TPD52L1: variants seen among roughly 807,000 people sequenced by gnomAD.
TPD52L1 encodes the protein TPD52 like 1.
In TPD52L1, 18 loss-of-function variants were observed where a neutral mutation model predicts 28.7. The ratio of observed to expected loss-of-function variants is 0.63; its 90% CI spans 0.43 to 0.93. TPD52L1 has a LOEUF of 0.93. Among genes scored for constraint, TPD52L1 ranks in the 40% least tolerant of loss-of-function variants. The pLI, the probability that TPD52L1 is intolerant of heterozygous loss-of-function variation, is 0.00. For synonymous variants in TPD52L1, 75 were observed against 88.8 expected, an observed-to-expected ratio of 0.84 and a Z score of 0.88; for missense variants, 203 against 254.8, an observed-to-expected ratio of 0.80 and a Z score of 1.39.
intron 1 of TPD52L1, among the ~76,000 whole-genome samples, chr6:125,211,034 A>G (rs1235259056): frequency 6.6e-6 from 1 of 152,212 alleles, no homozygotes; most frequent in Non-Finnish European, 1.5e-5. Context: ...GGACTCTTCC[A>G]TGAGTCATTA....
intron 1 of TPD52L1, among the ~76,000 whole-genome samples, chr6:125,168,253 G>A (rs1172566857): frequency 6.6e-6 from 1 of 152,022 alleles, no homozygotes; most frequent in Non-Finnish European, 1.5e-5. Flanking sequence ...GTGACATCTG[G>A]CCTCAGGAAG....
In TPD52L1 at chr6:125,220,125, G is replaced by A. The variant is rs1054781253; in HGVS notation, c.67G>A (p.Ala23Thr). 6.2e-7 allele frequency: 1 copy of A among 1,613,930 alleles called. No individual in the cohort carries two copies. Among genetic ancestry groups the A allele is most frequent in the Non-Finnish European group, 8.5e-7 (1 of 1,179,854 alleles). ...GCAAGGAACAGACGAAGATGCAGTA[G>A]CCAGTGCTGACTTCTCTAGCATGCT... ...PLQGTDEDAV[A>T]SADFSSMLSE... is the part of the protein sequence containing the mutation. Residue 23 changes from alanine to threonine, a missense_variant, in exon 2 of 7, where the codon GCC (alanine) becomes ACC (threonine). Transcript: ENST00000534000.
intron 3 of TPD52L1, among the ~76,000 whole-genome samples, chr6:125,238,066 C>G (rs1053825403): frequency 2.8e-4 from 43 of 152,244 alleles, no homozygotes; most frequent in Middle Eastern, 6.8e-3. Context: ...GGTAGGAAGT[C>G]CAGATTTTTC....
chr6:125,207,232 T>C (rs143595248), intron 1 of TPD52L1, among the ~76,000 whole-genome samples: 1 of 152,276 alleles, frequency 6.6e-6, no homozygotes, highest in East Asian at 1.9e-4. Flanking sequence ...TTGAGTGGGA[T>C]TGGGAGATTT....
chr6:125,216,547 A>G (rs1192822983), intron 1 of TPD52L1, among the ~76,000 whole-genome samples: 5 of 140,638 alleles, frequency 3.6e-5, no homozygotes, highest in South Asian at 2.2e-4. Flanking sequence ...ATATATATAT[A>G]TATATATATA....
chr6:125,176,035 A>C (rs1791802355), intron 1 of TPD52L1, among the ~76,000 whole-genome samples: 1 of 152,184 alleles, frequency 6.6e-6, no homozygotes, highest in East Asian at 1.9e-4. Flanking sequence ...TCCCATGGGG[A>C]TGATCTCTTA....
intron 1 of TPD52L1, among the ~76,000 whole-genome samples, chr6:125,211,307 C>CTATCT (rs1554209654): frequency 0.016 from 2,340 of 147,136 alleles, 27 homozygotes; most frequent in Admixed American, 0.028. Flanking sequence ...ATCTATCTAT[C>CTATCT]GTGTAACACA....
At chr6:125,258,824 T>C (rs368542953) in intron 6 of TPD52L1, among the ~76,000 whole-genome samples, 81 of 152,038 alleles carry the variant, frequency 5.3e-4, no homozygotes, top group African/African-American at 1.8e-3. Context: ...TGAAAGTGAT[T>C]CTATGCTTGT....
chr6:125,244,015 G>A (rs1796774139), intron 3 of TPD52L1, among the ~76,000 whole-genome samples: 1 of 151,968 alleles, frequency 6.6e-6, no homozygotes, highest in South Asian at 2.1e-4. Context: ...AGACTTTAAT[G>A]TTTATTTTAG....
At chr6:125,193,670 T>C (rs948625765) in intron 1 of TPD52L1, among the ~76,000 whole-genome samples, 1 of 152,104 alleles carries the variant, frequency 6.6e-6, no homozygotes. Flanking sequence ...GCAACACACA[T>C]ACAGATGAAA....
chr6:125,167,940 T>G (rs1481540457), intron 1 of TPD52L1, among the ~76,000 whole-genome samples: 2 of 152,150 alleles, frequency 1.3e-5, no homozygotes. Flanking sequence ...CAGACATACT[T>G]TAGAAAAGAA....
chr6:125,156,463 C>CAA lies in TPD52L1; in HGVS notation c.19+2509_19+2510dup, dbSNP rs758623258. On this transcript the variant is annotated intron_variant, in intron 1 of 6. Transcript: ENST00000534000. ...TCTGGACAAGAGTGAGACCTTGTCTCAAAAAAAAAAAAAAAAAGAGAGAGA... is the reference window on the plus strand; with the variant it reads ...TCTGGACAAGAGTGAGACCTTGTCTCAAAAAAAAAAAAAAAAAAAGAGAGAGA... 1.3e-3 allele frequency among the ~76,000 whole-genome samples: 48 copies of CAA among 37,214 alleles called. 1 individual carries two copies. The highest frequency in any genetic ancestry group is 3.5e-3 in the African/African-American group (37 of 10,446). 24.4% of individuals were successfully genotyped at this position (37,214 alleles called of 152,430 possible).
In TPD52L1 at chr6:125,244,678, C is replaced by G. The variant is rs182899420; in HGVS notation, c.285-3604C>G. 1.5e-3 allele frequency among the ~76,000 whole-genome samples: 234 copies of G among 152,286 alleles called. 1 individual carries two copies. Among genetic ancestry groups the G allele is most frequent in the Non-Finnish European group, 2.6e-3 (175 of 68,028 alleles). On this transcript the variant is annotated intron_variant, in intron 3 of 6. Transcript: ENST00000534000. The stretch of plus-strand genomic sequence containing the variant: ...TTCCAGAAAGGCTGTCTATAGGTGC[C>G]TCCATTCTTCTGGGGGAAGCCCAAC...
chr6:125,178,650 C>T (rs55725225), intron 1 of TPD52L1, among the ~76,000 whole-genome samples: 3,049 of 123,622 alleles, frequency 0.025, 105 homozygotes, highest in East Asian at 0.079. Flanking sequence ...CAAAACAAAA[C>T]AAAACAAAAT....
intron 3 of TPD52L1, among the ~76,000 whole-genome samples, chr6:125,242,132 T>C (rs1178320095): frequency 2.0e-5 from 3 of 152,098 alleles, no homozygotes; most frequent in African/African-American, 7.2e-5. Context: ...TGTATAGTTT[T>C]GAGGCTTCCT....
chr6:125,217,149 G>A (rs1794942188), intron 1 of TPD52L1, among the ~76,000 whole-genome samples: 1 of 152,152 alleles, frequency 6.6e-6, no homozygotes, highest in Non-Finnish European at 1.5e-5. Context: ...TCCTGTAAGA[G>A]TTCCCTAAGG....
intron 1 of TPD52L1, among the ~76,000 whole-genome samples, chr6:125,196,095 T>C (rs1004375695): frequency 6.6e-6 from 1 of 152,318 alleles, no homozygotes; most frequent in East Asian, 1.9e-4. Flanking sequence ...AAAACACAGA[T>C]GTGCAAGGTT....
intron 6 of TPD52L1, among the ~76,000 whole-genome samples, chr6:125,257,782 A>G (rs1358079767): frequency 6.6e-6 from 1 of 152,236 alleles, no homozygotes; most frequent in Non-Finnish European, 1.5e-5. Flanking sequence ...TAGCATAGGT[A>G]AGTTTGAATA....
intron 3 of TPD52L1, among the ~76,000 whole-genome samples, chr6:125,237,001 G>A (rs1465077022): frequency 6.6e-6 from 1 of 152,132 alleles, no homozygotes; most frequent in Non-Finnish European, 1.5e-5. Flanking sequence ...ATATTTGATA[G>A]CATCACAAAG....
Sources: allele counts gnomAD v4.1 joint callset (sites outside exome capture counted in the v4.1 genomes callset), GRCh38; gene constraint gnomAD v4.1.1; transcripts MANE v1.5; gene names NCBI Gene and HGNC (gene_info 2026-07-23, HGNC 2026-07-21).